The following NEDD4L variants were observed in gnomAD, a reference collection of about 807,000 sequenced individuals.
NEDD4L encodes E3 ubiquitin-protein ligase NEDD4-like.
In NEDD4L, 54 loss-of-function variants were observed where a neutral mutation model predicts 148.9. That is an observed-to-expected ratio of 0.36 (90% CI 0.29 to 0.45). NEDD4L has a LOEUF of 0.45. Ranked by LOEUF, NEDD4L falls within the 20% of genes least tolerant of loss-of-function variation. The pLI is 1.00. For missense variants in NEDD4L, 856 were observed against 1,233.8 expected, an observed-to-expected ratio of 0.69 and a Z score of 4.59; for synonymous variants, 433 against 440.7, an observed-to-expected ratio of 0.98 and a Z score of 0.22.
chr18:58,362,738 C>T (rs766110752), intron 19 of NEDD4L, among the ~76,000 whole-genome samples: 2 of 152,170 alleles, frequency 1.3e-5, no homozygotes, highest in African/African-American at 4.8e-5. Context: ...CAAGAAGTAT[C>T]GGTTGAATGG....
chr18:58,181,648 G>A (rs999810812), intron 2 of NEDD4L, among the ~76,000 whole-genome samples: 1 of 152,080 alleles, frequency 6.6e-6, no homozygotes, highest in Non-Finnish European at 1.5e-5. Flanking sequence ...TATTGCCCAG[G>A]CTGGTCTTGA....
intron 1 of NEDD4L, among the ~76,000 whole-genome samples, chr18:58,128,594 C>A (rs1259441399): frequency 6.6e-6 from 1 of 152,198 alleles, no homozygotes; most frequent in Non-Finnish European, 1.5e-5. Flanking sequence ...TGTTTATGTT[C>A]TCTCTGGCAA....
chr18:58,396,543 G>A lies in NEDD4L; in HGVS notation c.*274G>A, dbSNP rs2050502810. ...TGCTATTTATGTTGTGCCTCTGCAGGCAAAGCCCTTAATAAATATTTTACA... is the reference window on the plus strand; with the variant it reads ...TGCTATTTATGTTGTGCCTCTGCAGACAAAGCCCTTAATAAATATTTTACA... On this transcript the variant is annotated 3_prime_UTR_variant, in exon 31 of 31. Coordinates refer to ENST00000400345, the MANE Select transcript of NEDD4L (RefSeq NM_001144967.3). The A allele has an allele frequency of 3.6e-6, 1 of 281,354 alleles. No homozygotes were observed. The highest frequency in any genetic ancestry group is 4.8e-5 in the Admixed American group (1 of 20,716). 17.4% of individuals were successfully genotyped at this position (281,354 alleles called of 1,614,324 possible).
At chr18:58,053,333 G>T (rs2081963433) in intron 1 of NEDD4L, among the ~76,000 whole-genome samples, 1 of 151,838 alleles carries the variant, frequency 6.6e-6, no homozygotes, top group African/African-American at 2.4e-5. Context: ...TTTCCAGATG[G>T]AGTCTCACTC....
intron 1 of NEDD4L, among the ~76,000 whole-genome samples, chr18:58,081,279 G>A (rs537217805): frequency 5.4e-5 from 8 of 146,896 alleles, no homozygotes; most frequent in African/African-American, 1.3e-4. Flanking sequence ...GCAGTGGCGC[G>A]ATCTCGGCTC....
intron 24 of NEDD4L, among the ~76,000 whole-genome samples, chr18:58,379,509 A>C (rs2048044832): frequency 6.6e-6 from 1 of 152,156 alleles, no homozygotes; most frequent in Admixed American, 6.5e-5. Flanking sequence ...CTGTAGTTAG[A>C]GTGATGGTGA....
Position 58,195,370 on chromosome 18 carries a change from T to C in NEDD4L, c.122+29509T>C. ...CGAAGTTCCTCCTATAGTCATTGGC[T>C]CTGCTGCCTCTGATGAGGCACTTCC... On this transcript the variant is annotated intron_variant, in intron 2 of 30. Transcript: ENST00000400345. The C allele has an allele frequency of 2.5e-6, 3 of 1,194,498 alleles. No homozygotes were observed. The South Asian group carries it at 4.3e-5, about 17-fold the overall frequency. The allele number at this position is 1,194,498 out of a possible 1,614,324, so 74.0% of individuals were successfully genotyped here.
intron 5 of NEDD4L, among the ~76,000 whole-genome samples, chr18:58,282,851 A>C (rs1253030807): frequency 1.3e-5 from 2 of 152,212 alleles, no homozygotes; most frequent in African/African-American, 2.4e-5. Context: ...GATCATGTTG[A>C]TCATGCTGCG....
At chr18:58,255,391 T>C in intron 5 of NEDD4L, 1 of 605,890 alleles carries the variant, frequency 1.7e-6, no homozygotes, top group Non-Finnish European at 2.3e-6. Context: ...GAGAGCGCGG[T>C]CATGTGGTTC....
chr18:58,283,265 G>A (rs903595273), intron 5 of NEDD4L, among the ~76,000 whole-genome samples: 4 of 151,930 alleles, frequency 2.6e-5, no homozygotes, highest in African/African-American at 7.3e-5. Flanking sequence ...TAGTAGAGAC[G>A]GGGTTTCACC....
rs1374253277 is a variant in NEDD4L at position 58,063,042 on chromosome 18, T to G, written c.48+18334T>G. On this transcript the variant is annotated intron_variant, in intron 1 of 30. Transcript: ENST00000400345. Reference sequence around the variant, plus strand: ...TCGATAATTTCATTTATTTGTTCTTTTTTTTTTTTTTTTTTTTTTTTGAGA... The same window carrying G: ...TCGATAATTTCATTTATTTGTTCTTGTTTTTTTTTTTTTTTTTTTTTGAGA... 1.2e-3 allele frequency among the ~76,000 whole-genome samples: 44 copies of G among 37,128 alleles called. 1 individual carries two copies. In the South Asian group the frequency reaches 0.016, roughly 13 times the overall value. The allele number at this position is 37,128 out of a possible 152,430, so 24.4% of individuals were successfully genotyped here.
chr18:58,259,838 T>C (rs2049116840), intron 5 of NEDD4L, among the ~76,000 whole-genome samples: 1 of 152,244 alleles, frequency 6.6e-6, no homozygotes, highest in Admixed American at 6.5e-5. Context: ...AGTGGACATG[T>C]ACTTCACAGG....
intron 25 of NEDD4L, 85 bp from the exon 26 acceptor site, chr18:58,385,441 A>G (rs2048885118): frequency 2.8e-6 from 3 of 1,071,498 alleles, no homozygotes; most frequent in Non-Finnish European, 4.4e-6. Context: ...TCGTGGATGG[A>G]GGAGAAGCAC....
At position 58,202,879 on chromosome 18, in the gene NEDD4L, T is replaced by C. The variant is rs140093767; in HGVS notation, c.122+37018T>C. On this transcript the variant is annotated intron_variant, in intron 2 of 30. Transcript: ENST00000400345. Reference sequence around the variant, plus strand: ...TACACACCACTATGTAAGTTACTAGTTCAATTTATTTGTTTTACTGCTGCT... The same window carrying C: ...TACACACCACTATGTAAGTTACTAGCTCAATTTATTTGTTTTACTGCTGCT... 2.0e-3 allele frequency among the ~76,000 whole-genome samples: 301 copies of C among 152,320 alleles called. 2 individuals are homozygous for C. The highest frequency in any genetic ancestry group is 6.8e-3 in the African/African-American group (284 of 41,568).
At chr18:58,130,954 T>A (rs1478196256) in intron 1 of NEDD4L, among the ~76,000 whole-genome samples, 2 of 139,076 alleles carry the variant, frequency 1.4e-5, no homozygotes, top group East Asian at 4.5e-4. Flanking sequence ...TTGGTTGTGA[T>A]CTAGCAGAAC....
chr18:58,255,759 G>A (rs934343860), intron 5 of NEDD4L: 12 of 1,232,428 alleles, frequency 9.7e-6, no homozygotes, highest in Non-Finnish European at 1.1e-5. Context: ...ACCCTACCGC[G>A]GAGAAGCAGC....
At chr18:58,346,384 C>T (rs2043077282) in intron 16 of NEDD4L, among the ~76,000 whole-genome samples, 1 of 152,174 alleles carries the variant, frequency 6.6e-6, no homozygotes, top group African/African-American at 2.4e-5. Context: ...AATTCAAAGC[C>T]CCTCTGGTCC....
At chr18:58,077,130 C>T (rs557603700) in intron 1 of NEDD4L, among the ~76,000 whole-genome samples, 31 of 135,722 alleles carry the variant, frequency 2.3e-4, no homozygotes, top group Admixed American at 1.5e-3. Flanking sequence ...GGATTACAGG[C>T]GTGAGCCACC....
At chr18:58,253,690 G>T (rs999580094) in intron 5 of NEDD4L, among the ~76,000 whole-genome samples, 3 of 152,126 alleles carry the variant, frequency 2.0e-5, no homozygotes, top group Non-Finnish European at 4.4e-5. Context: ...GGTCAAATTT[G>T]AGGAAAAATG....
Sources: gnomAD v4.1 joint callset for allele counts (sites outside exome capture counted in the v4.1 genomes callset) on GRCh38, gnomAD v4.1.1 for gene constraint, MANE v1.5 for transcripts, NCBI Gene and HGNC (gene_info 2026-07-23, HGNC 2026-07-21) for gene names.